The following SLC44A1 variants were observed in gnomAD, a reference collection of about 807,000 sequenced individuals.
SLC44A1 encodes solute carrier family 44 member 1.
SLC44A1 carries 26 observed loss-of-function variants against 79.3 expected under a neutral mutation model. The observed-to-expected ratio is 0.33, with a 90% CI of 0.24 to 0.46. The LOEUF (loss-of-function observed/expected upper bound fraction) is 0.46, where lower values mean the gene tolerates loss of function less well. Among genes scored for constraint, SLC44A1 ranks in the 20% least tolerant of loss-of-function variants. The pLI, the probability that SLC44A1 is intolerant of heterozygous loss-of-function variation, is 1.00. For missense variants in SLC44A1, 688 were observed against 798.1 expected, an observed-to-expected ratio of 0.86 and a Z score of 1.66; for synonymous variants, 263 against 286.2, an observed-to-expected ratio of 0.92 and a Z score of 0.82.
chr9:105,320,636 C>T (rs554979641), intron 3 of SLC44A1, among the ~76,000 whole-genome samples: 2 of 152,156 alleles, frequency 1.3e-5, no homozygotes, highest in East Asian at 3.9e-4. Context: ...AGTGCCATGG[C>T]TATTTATTGG....
At chr9:105,334,739 T>G (rs1157029458) in intron 3 of SLC44A1, among the ~76,000 whole-genome samples, 1 of 152,232 alleles carries the variant, frequency 6.6e-6, no homozygotes, top group Non-Finnish European at 1.5e-5. Flanking sequence ...TCATCTCATC[T>G]ACTTTATAAC....
At chr9:105,332,513 T>G (rs1826783760) in intron 3 of SLC44A1, among the ~76,000 whole-genome samples, 1 of 152,214 alleles carries the variant, frequency 6.6e-6, no homozygotes, top group African/African-American at 2.4e-5. Context: ...GATGTGTATT[T>G]CTTATTCAAA....
intron 15 of SLC44A1, among the ~76,000 whole-genome samples, chr9:105,413,398 C>T (rs1829123429): frequency 6.6e-6 from 1 of 152,168 alleles, no homozygotes; most frequent in Non-Finnish European, 1.5e-5. Flanking sequence ...TTCGCCTTCC[C>T]AATATAGGTG....
intron 15 of SLC44A1, among the ~76,000 whole-genome samples, chr9:105,407,733 G>C (rs2131503811): frequency 6.6e-6 from 1 of 152,070 alleles, no homozygotes. Context: ...AGCTGGGCGT[G>C]ATGGCACATG....
At chr9:105,338,094 A>C (rs1826978706) in intron 4 of SLC44A1, among the ~76,000 whole-genome samples, 1 of 152,250 alleles carries the variant, frequency 6.6e-6, no homozygotes. Flanking sequence ...TAAGGTAGCC[A>C]TAAAAAATGA....
chr9:105,256,717 C>G (rs1378882508), intron 1 of SLC44A1, among the ~76,000 whole-genome samples: 1 of 149,908 alleles, frequency 6.7e-6, no homozygotes, highest in African/African-American at 2.5e-5. Context: ...CATGCACTAC[C>G]ACGCCCAGCT....
intron 3 of SLC44A1, among the ~76,000 whole-genome samples, chr9:105,331,499 A>T (rs1826748167): frequency 6.6e-6 from 1 of 152,212 alleles, no homozygotes; most frequent in Middle Eastern, 3.2e-3. Context: ...TTTTGTTTAA[A>T]GTGAAAACTG....
At chr9:105,299,536 G>A (rs868471300) in intron 2 of SLC44A1, among the ~76,000 whole-genome samples, 1 of 152,200 alleles carries the variant, frequency 6.6e-6, no homozygotes, top group South Asian at 2.1e-4. Flanking sequence ...ATCATTTGAC[G>A]TAAGTCTCTG....
chr9:105,321,198 G>A (rs138831881), intron 3 of SLC44A1, among the ~76,000 whole-genome samples: 67 of 151,948 alleles, frequency 4.4e-4, no homozygotes, highest in Non-Finnish European at 4.9e-4. Flanking sequence ...TTTAGTTAGC[G>A]CTTATGTTGA....
rs762249990 is a variant in SLC44A1 at position 105,246,475 on chromosome 9, TATAATA to T, written c.36+1572_36+1577del. Among the ~76,000 whole-genome samples the T allele has an allele frequency of 3.0e-4, 46 of 152,008 alleles. No homozygotes were observed. In the East Asian group the frequency reaches 5.0e-3, roughly 17 times the overall value. On this transcript the variant is annotated intron_variant, in intron 1 of 15. Transcript: ENST00000374720. ...GTGTAGTTAAAGATTCCTATTCAGT[TATAATA>T]GCAAAGTAAAACTATACGTAGAGGT...
chr9:105,437,276 T>A (rs1829475548), intron 15 of SLC44A1, among the ~76,000 whole-genome samples: 1 of 152,130 alleles, frequency 6.6e-6, no homozygotes, highest in African/African-American at 2.4e-5. Context: ...GATCTCGATA[T>A]CTATCTATAG....
rs888352578 is a variant in SLC44A1 at position 105,380,595 on chromosome 9, T to G, written c.1633-2528T>G. 2.6e-5 allele frequency among the ~76,000 whole-genome samples: 4 copies of G among 151,718 alleles called. No individual in the cohort carries two copies. In the East Asian group the frequency reaches 7.7e-4, roughly 29 times the overall value. ...TATTTATCAAATAAATGTAAATATTTATATATATATAGCTGTTACTAATAT... is the reference window on the plus strand; with the variant it reads ...TATTTATCAAATAAATGTAAATATTGATATATATATAGCTGTTACTAATAT... On this transcript the variant is annotated intron_variant, in intron 13 of 15. Transcript: ENST00000374720.
At chr9:105,398,836 G>A (rs576932342), downstream of SLC44A1, among the ~76,000 whole-genome samples, 1 of 152,108 alleles carries the variant, frequency 6.6e-6, no homozygotes, top group Non-Finnish European at 1.5e-5. Flanking sequence ...CTCTACCAGG[G>A]GTGTCCAATC....
chr9:105,381,159 C>T (rs939205397), intron 13 of SLC44A1, among the ~76,000 whole-genome samples: 2 of 152,042 alleles, frequency 1.3e-5, no homozygotes, highest in East Asian at 3.9e-4. Context: ...CATGAAGAAC[C>T]TCAGCCCTCC....
chr9:105,398,659 T>C (rs577719221), downstream of SLC44A1, among the ~76,000 whole-genome samples: 1 of 152,346 alleles, frequency 6.6e-6, no homozygotes, highest in South Asian at 2.1e-4. Flanking sequence ...TTACACACCC[T>C]ATCTTAATAT....
chr9:105,332,237 A>G (rs1010332516), intron 3 of SLC44A1, among the ~76,000 whole-genome samples: 2 of 148,884 alleles, frequency 1.3e-5, no homozygotes, highest in Admixed American at 1.4e-4. Context: ...CTCCTGCCTC[A>G]GCCTCCCAAG....
At chr9:105,333,124 A>G (rs1826802900) in intron 3 of SLC44A1, among the ~76,000 whole-genome samples, 1 of 152,218 alleles carries the variant, frequency 6.6e-6, no homozygotes, top group South Asian at 2.1e-4. Flanking sequence ...TTAGAAATAT[A>G]ATAGGGATAC....
intron 15 of SLC44A1, among the ~76,000 whole-genome samples, chr9:105,430,755 G>T (rs1286302219): frequency 6.6e-6 from 1 of 152,134 alleles, no homozygotes; most frequent in Non-Finnish European, 1.5e-5. Context: ...TTTTTGTGCG[G>T]ACATACGTTT....
At position 105,391,629 on chromosome 9, in the gene SLC44A1, A is replaced by G; in HGVS notation, c.*2573A>G. On this transcript the variant is annotated 3_prime_UTR_variant, in exon 16 of 16. Coordinates refer to ENST00000374720, the MANE Select transcript of SLC44A1 (RefSeq NM_080546.5). ...CACAGAGGATTTTAAGCAATATTTA[A>G]ATGTGTTGAGGTTATGTTTGGATAT... 1 of 985,314 alleles carries G rather than the reference A, an allele frequency of 1.0e-6. No homozygotes were observed. Among genetic ancestry groups the G allele is most frequent in the Non-Finnish European group, 1.2e-6 (1 of 829,896 alleles). 61.0% of individuals were successfully genotyped at this position (985,314 alleles called of 1,614,324 possible).
Sources: gnomAD v4.1 joint callset for allele counts (sites outside exome capture counted in the v4.1 genomes callset) on GRCh38, gnomAD v4.1.1 for gene constraint, MANE v1.5 for transcripts, NCBI Gene and HGNC (gene_info 2026-07-23, HGNC 2026-07-21) for gene names.